Variants in FKTN observed in about 807,000 individuals in gnomAD.
FKTN encodes fukutin.
A neutral mutation model predicts 58.6 loss-of-function variants in FKTN; 47 were observed. The ratio of observed to expected loss-of-function variants is 0.80; its 90% CI spans 0.63 to 1.02. FKTN has a LOEUF of 1.02. Among genes scored for constraint, FKTN ranks in the 50% least tolerant of loss-of-function variants. The probability of loss-of-function intolerance (pLI) is 0.00; values close to 1 mark genes in which losing one functional copy is unlikely to be tolerated. For missense variants in FKTN, 516 were observed against 537.3 expected, an observed-to-expected ratio of 0.96 and a Z score of 0.39; for synonymous variants, 178 against 191.9, an observed-to-expected ratio of 0.93 and a Z score of 0.60.
At chr9:105,574,820 T>C in intron 2 of FKTN, 125 bp from the exon 3 acceptor site, 1 of 516,642 alleles carries the variant, frequency 1.9e-6, no homozygotes, top group Non-Finnish European at 3.4e-6. Flanking sequence ...TTCTTTAGCA[T>C]AGACAATGAC....
chr9:105,574,997 A>G lies in FKTN; in HGVS notation c.-36A>G. The G allele has an allele frequency of 9.2e-7, 1 of 1,091,044 alleles. No individual in the cohort carries two copies. Among genetic ancestry groups the G allele is most frequent in the African/African-American group, 1.5e-5 (1 of 65,036 alleles). The allele number at this position is 1,091,044 out of a possible 1,614,324, so 67.6% of individuals were successfully genotyped here. On this transcript the variant is annotated 5_prime_UTR_variant, in exon 3 of 11. In the 5' UTR this introduces an upstream ATG that the reference lacks. Coordinates refer to ENST00000357998, the MANE Select transcript of FKTN (RefSeq NM_001079802.2). ...CCAAAAAGATGAAAACGACTGAGAT[A>G]CTTTCAAAAGACAACCAAGTGAGCA...
At chr9:105,590,546 G>T (rs74740992) in intron 3 of FKTN, among the ~76,000 whole-genome samples, 203 of 152,314 alleles carry the variant, frequency 1.3e-3, no homozygotes, top group Non-Finnish European at 2.4e-3. Flanking sequence ...GAAATGGAAA[G>T]TACAGTATTC....
chr9:105,579,013 C>T (rs1475160356), intron 3 of FKTN, among the ~76,000 whole-genome samples: 1 of 151,432 alleles, frequency 6.6e-6, no homozygotes, highest in Non-Finnish European at 1.5e-5. Context: ...GTGGTGATAT[C>T]CCCTTTATCG....
At chr9:105,610,414 A>G (rs1829701987) in intron 7 of FKTN, among the ~76,000 whole-genome samples, 1 of 152,088 alleles carries the variant, frequency 6.6e-6, no homozygotes, top group African/African-American at 2.4e-5. Flanking sequence ...CCAATTAAAC[A>G]ACAGAGTTCA....
Position 105,573,742 on chromosome 9 carries a change from C to T in FKTN, c.-93C>T, listed in dbSNP as rs1841192852. 6.6e-6 allele frequency: 1 copy of T among 151,982 alleles called. No individual in the cohort carries two copies. Among genetic ancestry groups the T allele is most frequent in the African/African-American group, 2.4e-5 (1 of 41,364 alleles). 9.4% of individuals were successfully genotyped at this position (151,982 alleles called of 1,614,324 possible). ...CCTAGTTTTTAAAAAAATTGGATTT[C>T]AAAGGTAAGGAATGCATTCTTTGCT... On this transcript the variant is annotated 5_prime_UTR_variant, in exon 2 of 11. Coordinates refer to ENST00000357998, the MANE Select transcript of FKTN (RefSeq NM_001079802.2).
chr9:105,598,939 AC>A (rs1827317828), intron 4 of FKTN, among the ~76,000 whole-genome samples: 1 of 152,070 alleles, frequency 6.6e-6, no homozygotes, highest in Non-Finnish European at 1.5e-5. Context: ...AAAGACACAC[AC>A]ACACACACAC....
At chr9:105,590,828 G>C (rs559413755) in intron 3 of FKTN, among the ~76,000 whole-genome samples, 7 of 152,238 alleles carry the variant, frequency 4.6e-5, no homozygotes, top group South Asian at 2.1e-4. Context: ...ATTGGCTCAT[G>C]GTTCTGCAGG....
intron 1 of FKTN, among the ~76,000 whole-genome samples, chr9:105,571,509 G>T (rs373261161): frequency 1.3e-5 from 2 of 152,214 alleles, no homozygotes; most frequent in East Asian, 3.9e-4. Context: ...TGGTTTGGAG[G>T]TTTATTTTAT....
At chr9:105,563,853 C>A (rs141306709) in intron 1 of FKTN, among the ~76,000 whole-genome samples, 1 of 152,214 alleles carries the variant, frequency 6.6e-6, no homozygotes, top group African/African-American at 2.4e-5. Context: ...CAGACTGCCT[C>A]CTCAAGTGGG....
chr9:105,616,715 C>G (rs1025054758), intron 8 of FKTN, among the ~76,000 whole-genome samples: 2 of 151,862 alleles, frequency 1.3e-5, no homozygotes, highest in Non-Finnish European at 2.9e-5. Flanking sequence ...GGTTGCCATC[C>G]AATTTATTGT....
Position 105,636,446 on chromosome 9 carries a change from A to G in FKTN, c.*1182A>G, listed in dbSNP as rs1834041231. On this transcript the variant is annotated 3_prime_UTR_variant, in exon 11 of 11. Coordinates refer to ENST00000357998, the MANE Select transcript of FKTN (RefSeq NM_001079802.2). ...GTTTGTAAAGTTTGTGTCCCTCCCC[A>G]GTTTTTCAGTCTGTTGAATGTCGAT... 1.0e-6 allele frequency: 1 copy of G among 989,726 alleles called. No individual in the cohort carries two copies. Among genetic ancestry groups the G allele is most frequent in the South Asian group, 4.5e-5 (1 of 22,010 alleles). The allele number at this position is 989,726 out of a possible 1,614,324, so 61.3% of individuals were successfully genotyped here. A position where few individuals can be genotyped will look rare whatever the true frequency, so the allele number is the denominator to read the frequency against.
At chr9:105,567,778 T>G (rs893519194) in intron 1 of FKTN, among the ~76,000 whole-genome samples, 1 of 152,152 alleles carries the variant, frequency 6.6e-6, no homozygotes, top group Non-Finnish European at 1.5e-5. Context: ...CTTCACAGAA[T>G]TGGAAAAAAC....
chr9:105,604,491 A>G lies in FKTN; in HGVS notation c.646A>G (p.Arg216Gly). 6.2e-7 allele frequency: 1 copy of G among 1,613,246 alleles called. No individual in the cohort carries two copies. Among genetic ancestry groups the G allele is most frequent in the South Asian group, 1.1e-5 (1 of 91,010 alleles). The change falls in exon 6 of 11, where the codon AGG (arginine) becomes GGG (glycine). Residue 216 changes from arginine (R) to glycine (G), a missense_variant and splice_region_variant. Coordinates refer to ENST00000357998, the MANE Select transcript of FKTN (RefSeq NM_001079802.2). ...TGGTCGTTATCCAGGAGCTTTTGAC[A>G]GGTAAGTTCAGAGTCAAAACGTGAA... ...QFGRYPGAFD[R>G]PELQQVTVDG...
At chr9:105,573,102 G>A (rs1344631903) in intron 1 of FKTN, among the ~76,000 whole-genome samples, 2 of 152,076 alleles carry the variant, frequency 1.3e-5, no homozygotes, top group African/African-American at 4.8e-5. Flanking sequence ...GAGTGTGGTG[G>A]CAGGCACCTG....
chr9:105,570,446 G>C (rs1840544121), intron 1 of FKTN, among the ~76,000 whole-genome samples: 1 of 152,088 alleles, frequency 6.6e-6, no homozygotes, highest in African/African-American at 2.4e-5. Context: ...TATTGTTATT[G>C]CCTCTATATT....
chr9:105,618,232 C>A, intron 9 of FKTN, 140 bp downstream of exon 9: 1 of 773,468 alleles, frequency 1.3e-6, no homozygotes, highest in Non-Finnish European at 2.2e-6. Context: ...TCAGCAGAAG[C>A]CTGTTACCAC....
At chr9:105,602,443 C>A (rs1332835919) in intron 5 of FKTN, among the ~76,000 whole-genome samples, 2 of 152,370 alleles carry the variant, frequency 1.3e-5, no homozygotes, top group East Asian at 3.9e-4. Flanking sequence ...ATTGGCAAAA[C>A]TGATACTACC....
intron 10 of FKTN, among the ~76,000 whole-genome samples, chr9:105,622,399 C>A (rs996878612): frequency 6.6e-6 from 1 of 151,810 alleles, no homozygotes; most frequent in Non-Finnish European, 1.5e-5. Flanking sequence ...CTCTGCAGGA[C>A]TATAGAATGA....
In FKTN at chr9:105,601,189, A is replaced by G. The variant is rs1827814768; in HGVS notation, c.210A>G (p.Val70=). 10 of 1,611,226 alleles carry G rather than the reference A, an allele frequency of 6.2e-6. No individual in the cohort carries two copies. Among genetic ancestry groups the G allele is most frequent in the Non-Finnish European group, 8.5e-6 (10 of 1,177,706 alleles). ...KFIMLTSNQN[V]PVFLIDPLIL... ...TTATGTTAACATCCAACCAAAATGT[A>G]CCAGTGTTTCTTATTGATCCTTTGA... Residue 70 remains valine (V), a synonymous_variant, in exon 5 of 11, where the codon GTA becomes GTG. Coordinates refer to ENST00000357998, the MANE Select transcript of FKTN (RefSeq NM_001079802.2).
Sources: allele counts gnomAD v4.1 joint callset (sites outside exome capture counted in the v4.1 genomes callset), GRCh38; gene constraint gnomAD v4.1.1; transcripts MANE v1.5; gene names NCBI Gene and HGNC (gene_info 2026-07-23, HGNC 2026-07-21).